BSDC1: variants seen among roughly 807,000 people sequenced by gnomAD.
BSDC1 encodes the protein BSD domain containing 1, also known as BSD domain-containing protein 1.
Under a neutral mutation model 56.0 loss-of-function variants are expected in BSDC1, and 29 were observed. The observed-to-expected ratio is 0.52, with a 90% CI of 0.39 to 0.71. The LOEUF is 0.71. BSDC1 is among the 30% of genes least tolerant of loss of function. The pLI is 0.00. For synonymous variants in BSDC1, 210 were observed against 215.3 expected (o/e 0.98, Z 0.21); for missense variants, 477 against 548.5 (o/e 0.87, Z 1.30).
intron 9 of BSDC1, 96 bp downstream of exon 9, chr1:32,376,166 G>C: frequency 7.6e-7 from 1 of 1,318,172 alleles, no homozygotes; most frequent in Non-Finnish European, 9.8e-7. Context: ...AAAAAAATCT[G>C]CTCATAGTAT....
chr1:32,394,051 G>A (rs770998604), intron 2 of BSDC1, 29 bp downstream of exon 2: 30 of 1,600,400 alleles, frequency 1.9e-5, no homozygotes, highest in Non-Finnish European at 2.5e-5. Flanking sequence ...GGGCCCTGCT[G>A]AGGGAAGAAG....
chr1:32,387,595 C>T (rs894453026), intron 2 of BSDC1, among the ~76,000 whole-genome samples: 2 of 152,172 alleles, frequency 1.3e-5, no homozygotes, highest in African/African-American at 4.8e-5. Flanking sequence ...CCCACCTTGG[C>T]CTCCCAAAGT....
intron 4 of BSDC1, among the ~76,000 whole-genome samples, chr1:32,383,279 C>T (rs373288271): frequency 1.9e-4 from 29 of 151,970 alleles, no homozygotes; most frequent in South Asian, 8.3e-4. Flanking sequence ...CCCGTTTCTA[C>T]CAAAATAATT....
chr1:32,388,957 CT>C lies in BSDC1; in HGVS notation c.73-2063del, dbSNP rs756507594. Among the ~76,000 whole-genome samples, 719 of 141,164 alleles carry C rather than the reference CT, an allele frequency of 5.1e-3. 3 individuals carry two copies. Among genetic ancestry groups the C allele is most frequent in the Middle Eastern group, 0.015 (4 of 274 alleles). 92.6% of individuals were successfully genotyped at this position (141,164 alleles called of 152,430 possible). On this transcript the variant is annotated intron_variant, in intron 2 of 10. Coordinates refer to ENST00000455895, the MANE Select transcript of BSDC1 (RefSeq NM_018045.8). ...TGCTTTATCTCTTCTTCTTTTTTTT[CT>C]TTTTTTTTTTTTTTGAGATGGAGTT... is the stretch of plus-strand genomic sequence containing the variant.
In BSDC1 at chr1:32,378,884, A is replaced by G; in HGVS notation, c.413-45T>C. Reference sequence around the variant, plus strand: ...GACGGTCAGTTGCCTTGGTCTGGGAAAAGAACACTGGGCTTACAGAACATA... The same window carrying G: ...GACGGTCAGTTGCCTTGGTCTGGGAGAAGAACACTGGGCTTACAGAACATA... On this transcript the variant is annotated intron_variant, in intron 5 of 10. Transcript: ENST00000455895. This position sits in a 1 kb window ranked among gnomAD's most constrained non-coding sequence, Gnocchi z 5.2. The G allele has an allele frequency of 7.8e-7, 1 of 1,288,848 alleles. No homozygotes were observed. The highest frequency in any genetic ancestry group is 1.6e-5 in the South Asian group (1 of 62,670). 79.8% of individuals were successfully genotyped at this position (1,288,848 alleles called of 1,614,324 possible). A position where few individuals can be genotyped will look rare whatever the true frequency, so the allele number is the denominator to read the frequency against.
At chr1:32,367,852 G>C in intron 10 of BSDC1, 1 of 988,230 alleles carries the variant, frequency 1.0e-6, no homozygotes, top group Non-Finnish European at 1.2e-6. Flanking sequence ...TTATAGCCAG[G>C]TCTTATAATG....
chr1:32,368,638 A>G (rs1641946130), intron 9 of BSDC1, 88 bp from the exon 10 acceptor site: 2 of 1,561,154 alleles, frequency 1.3e-6, no homozygotes, highest in South Asian at 1.2e-5. Flanking sequence ...AGCATGCTTC[A>G]AAAGGGTCTC....
At chr1:32,391,768 A>T (rs1423415139) in intron 2 of BSDC1, among the ~76,000 whole-genome samples, 2 of 152,288 alleles carry the variant, frequency 1.3e-5, no homozygotes, top group Non-Finnish European at 2.9e-5. Flanking sequence ...GTCCAGATGG[A>T]GCCAGAATGG....
intron 2 of BSDC1, among the ~76,000 whole-genome samples, chr1:32,393,089 G>T (rs1349582272): frequency 6.6e-6 from 1 of 152,156 alleles, no homozygotes; most frequent in African/African-American, 2.4e-5. Context: ...TACTCCCAGA[G>T]TAGAGGACTT....
rs376399921 is a variant in BSDC1, at chr1:32,376,398, A to G, written c.1020T>C (p.Ala340=). The change falls in exon 9 of 11, where the codon GCT becomes GCC. Residue 340 remains alanine (A), a synonymous_variant. Transcript: ENST00000455895. ...TGGGCTCTGGGCCGCCGGTGTGGCC[A>G]GCAGGCGTTAGGGGCTTGGAGTGAA... The part of the protein sequence containing the change: ...PPIHSKPLTP[A]GHTGGPEPRP... The G allele has an allele frequency of 1.5e-5, 25 of 1,613,706 alleles. No individual in the cohort carries two copies. The Middle Eastern group carries it at 6.6e-4, about 42-fold the overall frequency.
Position 32,365,657 on chromosome 1 carries a change from A to C in BSDC1, c.*965T>G, listed in dbSNP as rs779571531. The C allele has an allele frequency of 6.6e-6, 1 of 152,668 alleles. No homozygotes were observed. Among genetic ancestry groups the C allele is most frequent in the African/African-American group, 2.4e-5 (1 of 41,446 alleles). 9.5% of individuals were successfully genotyped at this position (152,668 alleles called of 1,614,324 possible). A position where few individuals can be genotyped will look rare whatever the true frequency, so the allele number is the denominator to read the frequency against. On this transcript the variant is annotated 3_prime_UTR_variant, in exon 11 of 11. Coordinates refer to ENST00000455895, the MANE Select transcript of BSDC1 (RefSeq NM_018045.8). ...TTGCAGAAGCCTGATGAGAGTTTCAAGTTCACCCCCAGGATAGCCCTTCCA... is the reference window on the plus strand; with the variant it reads ...TTGCAGAAGCCTGATGAGAGTTTCACGTTCACCCCCAGGATAGCCCTTCCA...
intron 4 of BSDC1, among the ~76,000 whole-genome samples, chr1:32,383,420 A>C (rs1037990593): frequency 1.3e-5 from 2 of 151,588 alleles, no homozygotes; most frequent in Admixed American, 1.3e-4. Flanking sequence ...AGCCCCAGAG[A>C]GAGCTTGGGT....
intron 9 of BSDC1, among the ~76,000 whole-genome samples, chr1:32,375,797 G>A (rs1013985547): frequency 7.9e-5 from 12 of 152,180 alleles, no homozygotes; most frequent in Non-Finnish European, 1.6e-4. Flanking sequence ...CCCAAGCCAG[G>A]GTAAGGTTAA....
intron 3 of BSDC1, 43 bp downstream of exon 3, chr1:32,386,736 G>A (rs1426458650): frequency 6.7e-7 from 1 of 1,502,344 alleles, no homozygotes; most frequent in Admixed American, 1.7e-5. Flanking sequence ...GACAGGACAG[G>A]TTGCGAGGGG....
intron 2 of BSDC1, among the ~76,000 whole-genome samples, chr1:32,391,800 C>CA (rs771604422): frequency 3.9e-5 from 6 of 151,902 alleles, no homozygotes; most frequent in Admixed American, 6.6e-5. Flanking sequence ...AGGAAAGCAC[C>CA]AAAAGACCAA....
At chr1:32,383,074 G>A (rs538371694) in intron 4 of BSDC1, among the ~76,000 whole-genome samples, 1 of 151,840 alleles carries the variant, frequency 6.6e-6, no homozygotes, top group African/African-American at 2.4e-5. Context: ...AAAGCTGAAA[G>A]GAATCCAAAT....
rs1642390704 is a variant in BSDC1 at position 32,378,893 on chromosome 1, T to A, written c.413-54A>T. Reference sequence around the variant, plus strand: ...TTGCCTTGGTCTGGGAAAAGAACACTGGGCTTACAGAACATATCTAAGGCT... The same window carrying A: ...TTGCCTTGGTCTGGGAAAAGAACACAGGGCTTACAGAACATATCTAAGGCT... On this transcript the variant is annotated intron_variant, in intron 5 of 10. Coordinates refer to ENST00000455895, the MANE Select transcript of BSDC1 (RefSeq NM_018045.8). The surrounding 1 kb of genome is among the most constrained non-coding windows in gnomAD (Gnocchi z 5.2). The A allele has an allele frequency of 1.6e-6, 2 of 1,212,396 alleles. No individual in the cohort carries two copies. Among genetic ancestry groups the A allele is most frequent in the Non-Finnish European group, 2.2e-6 (2 of 892,414 alleles). The allele number at this position is 1,212,396 out of a possible 1,614,324, so 75.1% of individuals were successfully genotyped here.
intron 3 of BSDC1, among the ~76,000 whole-genome samples, chr1:32,384,334 A>G (rs1195801376): frequency 1.3e-5 from 2 of 152,188 alleles, no homozygotes; most frequent in Admixed American, 1.3e-4. Context: ...GCCTATGGGT[A>G]GAGTGGTGGA....
chr1:32,370,891 G>A (rs1022724534), intron 9 of BSDC1, among the ~76,000 whole-genome samples: 18 of 149,536 alleles, frequency 1.2e-4, no homozygotes, highest in Non-Finnish European at 2.5e-4. Context: ...CATGCTGCAA[G>A]AGCGGAGATG....
Sources: gnomAD v4.1 joint callset for allele counts (sites outside exome capture counted in the v4.1 genomes callset) on GRCh38, gnomAD v4.1.1 for gene constraint, Gnocchi (gnomAD v3.1) non-coding constraint, MANE v1.5 for transcripts, NCBI Gene and HGNC (gene_info 2026-07-23, HGNC 2026-07-21) for gene names.